STK39: variants seen among roughly 807,000 people sequenced by gnomAD.
The protein encoded by STK39 is STE20/SPS1-related proline-alanine-rich protein kinase.
STK39 carries 20 observed loss-of-function variants against 77.8 expected under a neutral mutation model. That is an observed-to-expected ratio of 0.26 (90% CI 0.18 to 0.37). The LOEUF is 0.37. STK39 is among the 10% of genes least tolerant of loss of function. STK39 has a pLI of 1.00. For synonymous variants in STK39, 246 were observed against 234.1 expected (o/e 1.05, Z -0.47); for missense variants, 479 against 656.5 (o/e 0.73, Z 2.95).
At chr2:168,012,105 G>A (rs911922894) in intron 16 of STK39, among the ~76,000 whole-genome samples, 1 of 152,048 alleles carries the variant, frequency 6.6e-6, no homozygotes, top group Admixed American at 6.5e-5. Flanking sequence ...TCCAATAAAT[G>A]AGGCTCCTCA....
At chr2:168,202,215 A>C (rs1018236658) in intron 1 of STK39, among the ~76,000 whole-genome samples, 23 of 152,220 alleles carry the variant, frequency 1.5e-4, no homozygotes, top group African/African-American at 5.5e-4. Flanking sequence ...CTGAGGACAT[A>C]CAAGTATAAC....
At chr2:168,242,819 A>G (rs1031068035) in intron 1 of STK39, among the ~76,000 whole-genome samples, 6 of 150,758 alleles carry the variant, frequency 4.0e-5, no homozygotes, top group Admixed American at 1.3e-4. Context: ...CTTGAGCCCA[A>G]GAGTTCGAGG....
chr2:168,138,338 C>A (rs1687890995), intron 7 of STK39, 117 bp from the exon 8 acceptor site: 1 of 1,350,780 alleles, frequency 7.4e-7, no homozygotes, highest in Admixed American at 2.6e-5. Context: ...AGTGCTTTCC[C>A]ATGATTTTAA....
intron 1 of STK39, among the ~76,000 whole-genome samples, chr2:168,203,863 G>A (rs1008593474): frequency 3.3e-5 from 5 of 152,232 alleles, no homozygotes; most frequent in Non-Finnish European, 7.3e-5. Context: ...CGAAGTGCTG[G>A]GATTACAGGC....
chr2:168,011,752 T>G (rs1312341470), intron 16 of STK39, among the ~76,000 whole-genome samples: 3 of 152,060 alleles, frequency 2.0e-5, no homozygotes, highest in African/African-American at 7.2e-5. Context: ...CTAAAGGAGG[T>G]AGAAAGACCC....
At chr2:168,188,278 C>T (rs1215645669) in intron 1 of STK39, among the ~76,000 whole-genome samples, 1 of 152,170 alleles carries the variant, frequency 6.6e-6, no homozygotes, top group Non-Finnish European at 1.5e-5. Flanking sequence ...TGAATGGACA[C>T]ACATGTGAGC....
intron 1 of STK39, among the ~76,000 whole-genome samples, chr2:168,215,656 A>T (rs1690007211): frequency 6.6e-6 from 1 of 152,202 alleles, no homozygotes; most frequent in Non-Finnish European, 1.5e-5. Flanking sequence ...TCTAATAATT[A>T]GTCACGAATG....
chr2:168,122,734 G>A (rs1417394358), intron 10 of STK39, among the ~76,000 whole-genome samples: 3 of 152,072 alleles, frequency 2.0e-5, no homozygotes, highest in Admixed American at 6.5e-5. Context: ...ACCACACTCA[G>A]CCAACAAGGT....
At chr2:168,095,978 T>A (rs1268954479) in intron 10 of STK39, among the ~76,000 whole-genome samples, 1 of 152,110 alleles carries the variant, frequency 6.6e-6, no homozygotes, top group Non-Finnish European at 1.5e-5. Context: ...CCAAGAAAAA[T>A]AACTGAAGCA....
intron 10 of STK39, among the ~76,000 whole-genome samples, chr2:168,095,324 T>A (rs556812471): frequency 9.2e-5 from 14 of 152,328 alleles, no homozygotes; most frequent in Non-Finnish European, 1.0e-4. Flanking sequence ...CAAGCTTTAT[T>A]CTAGCCCAGT....
At chr2:168,020,360 G>A (rs1323115009) in intron 14 of STK39, among the ~76,000 whole-genome samples, 3 of 152,038 alleles carry the variant, frequency 2.0e-5, no homozygotes, top group Admixed American at 2.0e-4. Flanking sequence ...AGGACAGCTC[G>A]AATCTTACAA....
intron 1 of STK39, among the ~76,000 whole-genome samples, chr2:168,197,781 A>G (rs1230148754): frequency 6.6e-6 from 1 of 152,238 alleles, no homozygotes; most frequent in Non-Finnish European, 1.5e-5. Flanking sequence ...CACGCCTATA[A>G]TCCCAGCACT....
At chr2:168,138,415 T>A (rs1026127081) in intron 7 of STK39, among the ~76,000 whole-genome samples, 194 bp from the exon 8 acceptor site, 1 of 152,212 alleles carries the variant, frequency 6.6e-6, no homozygotes, top group African/African-American at 2.4e-5. Flanking sequence ...CCCTTTAACC[T>A]TTTTGTTATT....
intron 14 of STK39, among the ~76,000 whole-genome samples, chr2:168,061,949 G>C (rs1451730338): frequency 6.6e-6 from 1 of 152,130 alleles, no homozygotes; most frequent in Non-Finnish European, 1.5e-5. Flanking sequence ...CAGCCCATAG[G>C]AGCCCAGAAC....
At chr2:167,989,604 A>G (rs574700661) in intron 16 of STK39, among the ~76,000 whole-genome samples, 1 of 152,294 alleles carries the variant, frequency 6.6e-6, no homozygotes, top group South Asian at 2.1e-4. Context: ...CAAGCTGATG[A>G]CTTCAACTCT....
rs766329529 is a variant in STK39, at chr2:168,247,430, C to T, written c.6G>A (p.Ala2=). Residue 2 remains alanine, a synonymous_variant, in exon 1 of 18, where the codon GCG becomes GCA. Transcript: ENST00000355999. ...CGTGCACGGGCGAGCCGCTCGGCTC[C>T]GCCATGATGCTGCGGAGGAGAGCAG... is the stretch of plus-strand genomic sequence containing the variant. M[A]EPSGSPVHVQ... is the part of the protein sequence containing the mutation. The T allele has an allele frequency of 7.9e-6, 10 of 1,268,246 alleles. No individual in the cohort carries two copies. In the South Asian group the frequency reaches 1.8e-4, roughly 23 times the overall value. The allele number at this position is 1,268,246 out of a possible 1,614,324, so 78.6% of individuals were successfully genotyped here.
chr2:168,148,737 C>T (rs1376254517), intron 5 of STK39, among the ~76,000 whole-genome samples: 1 of 152,082 alleles, frequency 6.6e-6, no homozygotes, highest in East Asian at 1.9e-4. Context: ...CATATGTGGC[C>T]CCTATTCAGA....
At chr2:168,097,426 A>G (rs1037293973) in intron 10 of STK39, among the ~76,000 whole-genome samples, 1 of 152,150 alleles carries the variant, frequency 6.6e-6, no homozygotes, top group African/African-American at 2.4e-5. Context: ...CAGGTGTTCA[A>G]CTGAGACTAG....
At chr2:168,001,683 G>A (rs1469812516) in intron 16 of STK39, among the ~76,000 whole-genome samples, 3 of 151,992 alleles carry the variant, frequency 2.0e-5, no homozygotes, top group Admixed American at 6.6e-5. Flanking sequence ...AACAAGGAGC[G>A]GTATTACCTG....
Sources: allele counts gnomAD v4.1 joint callset (sites outside exome capture counted in the v4.1 genomes callset), GRCh38; gene constraint gnomAD v4.1.1; transcripts MANE v1.5; gene names NCBI Gene and HGNC (gene_info 2026-07-23, HGNC 2026-07-21).